Variants in ATP10B observed in about 807,000 individuals in gnomAD.
The protein encoded by ATP10B is phospholipid-transporting ATPase VB.
Under a neutral mutation model 141.2 loss-of-function variants are expected in ATP10B, and 122 were observed. The ratio of observed to expected loss-of-function variants is 0.86; its 90% confidence interval spans 0.75 to 1.00. ATP10B has a LOEUF of 1.00. Among genes scored for constraint, ATP10B ranks in the 50% least tolerant of loss-of-function variants. The pLI, the probability that ATP10B is intolerant of heterozygous loss-of-function variation, is 0.00. For missense variants in ATP10B, 1,876 were observed against 1,825.3 expected (o/e 1.03, Z -0.51); for synonymous variants, 685 against 692.0 (o/e 0.99, Z 0.16).
chr5:160,836,988 G>A (rs1157679891), intron 1 of ATP10B, among the ~76,000 whole-genome samples: 1 of 151,942 alleles, frequency 6.6e-6, no homozygotes, highest in Non-Finnish European at 1.5e-5. Flanking sequence ...TTTTCTTAAG[G>A]GTTTTGTATT....
At chr5:160,576,151 G>A (rs771740686) in intron 24 of ATP10B, among the ~76,000 whole-genome samples, 3 of 152,144 alleles carry the variant, frequency 2.0e-5, no homozygotes, top group Admixed American at 6.5e-5. Flanking sequence ...GAATTGTTTG[G>A]ATGGGGTTCT....
chr5:160,636,365 G>T, intron 10 of ATP10B, 56 bp from the exon 11 acceptor site: 1 of 1,573,940 alleles, frequency 6.4e-7, no homozygotes, highest in Non-Finnish European at 8.6e-7. Flanking sequence ...CCTAAAGTTG[G>T]TCAATTATAC....
At chr5:160,794,554 A>C (rs1005104266) in intron 1 of ATP10B, among the ~76,000 whole-genome samples, 2 of 152,202 alleles carry the variant, frequency 1.3e-5, no homozygotes, top group Non-Finnish European at 2.9e-5. Context: ...GGATGAGATA[A>C]TCCTGGAGTA....
chr5:160,583,750 C>A (rs1211666290), intron 24 of ATP10B, among the ~76,000 whole-genome samples: 2 of 152,194 alleles, frequency 1.3e-5, no homozygotes, highest in Non-Finnish European at 2.9e-5. Context: ...TCTAGACAGG[C>A]AGTCTGGCTA....
the ATP10B span, among the ~76,000 whole-genome samples, chr5:160,877,608 G>A: frequency 2.0e-5 from 3 of 150,714 alleles, no homozygotes; most frequent in Non-Finnish European, 4.4e-5. Context: ...CCTGTTTGCA[G>A]ATGACATGAT....
the ATP10B span, among the ~76,000 whole-genome samples, chr5:160,881,558 A>G: frequency 6.6e-6 from 1 of 152,178 alleles, no homozygotes; most frequent in Non-Finnish European, 1.5e-5. Context: ...CACACCTGTA[A>G]TCCCAGCACT....
chr5:160,889,874 T>C, the ATP10B span, among the ~76,000 whole-genome samples: 3 of 152,136 alleles, frequency 2.0e-5, no homozygotes, highest in African/African-American at 4.8e-5. Context: ...CTAGAGAGGC[T>C]TTGCTTCAGA....
intron 1 of ATP10B, among the ~76,000 whole-genome samples, chr5:160,829,784 A>AT (rs562484743): frequency 1.2e-3 from 190 of 152,182 alleles, no homozygotes; most frequent in African/African-American, 4.4e-3. Flanking sequence ...AACGCTACTG[A>AT]TTTTTGTATA....
chr5:160,640,403 GA>G, intron 10 of ATP10B, 57 bp downstream of exon 10: 1 of 1,577,988 alleles, frequency 6.3e-7, no homozygotes, highest in Non-Finnish European at 8.6e-7. Flanking sequence ...GGAAGCTGAA[GA>G]AACTTGCCCA....
intron 7 of ATP10B, among the ~76,000 whole-genome samples, chr5:160,649,942 C>T (rs937177673): frequency 3.3e-5 from 5 of 151,506 alleles, no homozygotes; most frequent in Non-Finnish European, 5.9e-5. Flanking sequence ...AACCCCGTCT[C>T]TACTAAAAAT....
intron 1 of ATP10B, among the ~76,000 whole-genome samples, chr5:160,790,439 G>T (rs1228965526): frequency 1.3e-5 from 2 of 152,144 alleles, no homozygotes; most frequent in Non-Finnish European, 2.9e-5. Context: ...ACTCCTAGAA[G>T]TCACCAAATT....
At chr5:160,737,589 A>T (rs548308813) in intron 2 of ATP10B, among the ~76,000 whole-genome samples, 1 of 152,336 alleles carries the variant, frequency 6.6e-6, no homozygotes, top group Non-Finnish European at 1.5e-5. Flanking sequence ...AATCAGTAGC[A>T]TTTCTATATG....
intron 21 of ATP10B, among the ~76,000 whole-genome samples, chr5:160,602,109 C>A (rs1757128698): frequency 1.3e-5 from 2 of 152,038 alleles, no homozygotes; most frequent in South Asian, 2.1e-4. Context: ...GTAATGACAG[C>A]AACAATAATA....
the ATP10B span, among the ~76,000 whole-genome samples, chr5:160,886,600 A>G: frequency 6.6e-6 from 1 of 152,220 alleles, no homozygotes; most frequent in Non-Finnish European, 1.5e-5. Context: ...TGATGACACT[A>G]TCAAGGCTGC....
chr5:160,906,519 C>G, the ATP10B span, among the ~76,000 whole-genome samples: 1 of 152,174 alleles, frequency 6.6e-6, no homozygotes, highest in Non-Finnish European at 1.5e-5. Flanking sequence ...TCTTTCCTGT[C>G]ACAAGACATT....
At chr5:160,900,970 T>G in the ATP10B span, among the ~76,000 whole-genome samples, 1 of 135,244 alleles carries the variant, frequency 7.4e-6, no homozygotes, top group African/African-American at 2.7e-5. Flanking sequence ...GACTAGCAGG[T>G]GGCGCCTCAT....
intron 10 of ATP10B, among the ~76,000 whole-genome samples, chr5:160,640,206 T>A (rs896231040): frequency 6.6e-6 from 1 of 152,252 alleles, no homozygotes; most frequent in African/African-American, 2.4e-5. Flanking sequence ...TTGTTTTCAT[T>A]CCATGCTACG....
chr5:160,771,433 T>C (rs1450665007), intron 2 of ATP10B, among the ~76,000 whole-genome samples: 1 of 152,196 alleles, frequency 6.6e-6, no homozygotes, highest in Non-Finnish European at 1.5e-5. Flanking sequence ...ATAATGAGAA[T>C]AATCTTTAAA....
At chr5:160,723,980 G>A (rs1021186329) in intron 2 of ATP10B, among the ~76,000 whole-genome samples, 1 of 152,150 alleles carries the variant, frequency 6.6e-6, no homozygotes, top group Non-Finnish European at 1.5e-5. Flanking sequence ...GTCCTTTGCG[G>A]GGACATGGAT....
Sources: allele counts gnomAD v4.1 joint callset (sites outside exome capture counted in the v4.1 genomes callset), GRCh38; gene constraint gnomAD v4.1.1; transcripts MANE v1.5; gene names NCBI Gene and HGNC (gene_info 2026-07-23, HGNC 2026-07-21).